Variants in MAPKAPK5 observed in about 807,000 individuals in gnomAD.
The protein encoded by MAPKAPK5 is MAPK activated protein kinase 5, also known as MAP kinase-activated protein kinase 5.
Under a neutral mutation model 65.1 loss-of-function variants are expected in MAPKAPK5, and 30 were observed. The observed-to-expected ratio is 0.46, with a 90% CI of 0.34 to 0.63. The LOEUF (loss-of-function observed/expected upper bound fraction) is 0.63. Ranked by LOEUF, MAPKAPK5 falls within the 20% of genes least tolerant of loss-of-function variation. MAPKAPK5 has a pLI of 0.01. For synonymous variants in MAPKAPK5, 179 were observed against 204.6 expected, an observed-to-expected ratio of 0.87 and a Z score of 1.07; for missense variants, 433 against 581.4, an observed-to-expected ratio of 0.74 and a Z score of 2.63.
chr12:111,894,208 A>C lies in MAPKAPK5; in HGVS notation c.*1147A>C, dbSNP rs2070721082. 6.6e-6 allele frequency: 1 copy of C among 151,232 alleles called. No homozygotes were observed. Among genetic ancestry groups the C allele is most frequent in the Non-Finnish European group, 1.5e-5 (1 of 67,986 alleles). The allele number at this position is 151,232 out of a possible 1,614,324, so 9.4% of individuals were successfully genotyped here. A position where few individuals can be genotyped will look rare whatever the true frequency, so the allele number is the denominator to read the frequency against. ...CAGGCACCCGCCACCATGCCCGGCT[A>C]ATTTTTGTATTTTTAGTAGAGACAG... On this transcript the variant is annotated 3_prime_UTR_variant, in exon 14 of 14. Transcript: ENST00000550735.
At chr12:111,867,396 A>G (rs2069649006) in intron 3 of MAPKAPK5, among the ~76,000 whole-genome samples, 176 bp from the exon 4 acceptor site, 1 of 152,230 alleles carries the variant, frequency 6.6e-6, no homozygotes, top group Non-Finnish European at 1.5e-5. Context: ...TCTGTTGGTG[A>G]GTTTTTATTC....
intron 7 of MAPKAPK5, among the ~76,000 whole-genome samples, chr12:111,878,580 C>T (rs997382707): frequency 1.9e-4 from 29 of 152,086 alleles, no homozygotes; most frequent in Non-Finnish European, 3.5e-4. Context: ...CCACTACGCC[C>T]GGATAATTTT....
chr12:111,890,614 TAA>T (rs1259602684), intron 13 of MAPKAPK5, among the ~76,000 whole-genome samples: 1 of 152,184 alleles, frequency 6.6e-6, no homozygotes, highest in Non-Finnish European at 1.5e-5. Flanking sequence ...TACTGCTGGT[TAA>T]GTTTTTTTCC....
chr12:111,882,718 A>G (rs1241607486), intron 8 of MAPKAPK5: 1 of 731,850 alleles, frequency 1.4e-6, no homozygotes, highest in Non-Finnish European at 1.7e-6. Context: ...ATGGTGTAAG[A>G]GCTTGCAAAT....
At chr12:111,857,269 C>A (rs1435218488) in intron 1 of MAPKAPK5, among the ~76,000 whole-genome samples, 1 of 150,050 alleles carries the variant, frequency 6.7e-6, no homozygotes, top group Admixed American at 6.6e-5. Flanking sequence ...GAGATGGAGC[C>A]TCGCTCCCGT....
Position 111,893,309 on chromosome 12 carries a change from C to A in MAPKAPK5, c.*248C>A. On this transcript the variant is annotated 3_prime_UTR_variant, in exon 14 of 14. Transcript: ENST00000550735. ...TTTGTAAGATGACAGATGATGCTGT[C>A]AAGCAATATTGTTTTATTTGTAATA... 5.0e-6 allele frequency: 1 copy of A among 199,280 alleles called. No homozygotes were observed. Among genetic ancestry groups the A allele is most frequent in the Non-Finnish European group, 1.0e-5 (1 of 98,332 alleles). 12.3% of individuals were successfully genotyped at this position (199,280 alleles called of 1,614,324 possible). A position where few individuals can be genotyped will look rare whatever the true frequency, so the allele number is the denominator to read the frequency against.
chr12:111,859,356 G>A (rs191465294), intron 1 of MAPKAPK5, among the ~76,000 whole-genome samples: 1 of 149,820 alleles, frequency 6.7e-6, no homozygotes, highest in African/African-American at 2.5e-5. Flanking sequence ...TCAGCTCATT[G>A]CAACCTCCGC....
chr12:111,892,816 T>A lies in MAPKAPK5; in HGVS notation c.1322-151T>A, dbSNP rs141934048. On this transcript the variant is annotated intron_variant, in intron 13 of 13. Coordinates refer to ENST00000550735, the MANE Select transcript of MAPKAPK5 (RefSeq NM_003668.4). ...CAATTGCTACCTGAAAAATGGGGGATCTGAACTGCTTTTGATCAGTGGTGG... is the reference window on the plus strand; with the variant it reads ...CAATTGCTACCTGAAAAATGGGGGAACTGAACTGCTTTTGATCAGTGGTGG... 8.7e-6 allele frequency: 4 copies of A among 459,478 alleles called. No homozygotes were observed. The Admixed American group carries it at 1.2e-4, about 13-fold the overall frequency. The allele number at this position is 459,478 out of a possible 1,614,324, so 28.5% of individuals were successfully genotyped here.
chr12:111,871,494 T>C (rs926218770), intron 7 of MAPKAPK5, among the ~76,000 whole-genome samples: 1 of 151,964 alleles, frequency 6.6e-6, no homozygotes, highest in Non-Finnish European at 1.5e-5. Flanking sequence ...ATATAAAAAA[T>C]TAGCCGAGTG....
intron 7 of MAPKAPK5, 127 bp from the exon 8 acceptor site, chr12:111,880,320 G>A: frequency 1.3e-6 from 1 of 745,632 alleles, no homozygotes; most frequent in South Asian, 1.5e-5. Context: ...GTGTTTATGT[G>A]GAGTTTTTTT....
At chr12:111,851,811 C>T (rs995413659) in intron 1 of MAPKAPK5, among the ~76,000 whole-genome samples, 6 of 152,136 alleles carry the variant, frequency 3.9e-5, no homozygotes, top group Non-Finnish European at 5.9e-5. Context: ...AAACTCTGTC[C>T]AGATGTGCGT....
intron 8 of MAPKAPK5, among the ~76,000 whole-genome samples, chr12:111,881,078 TTTG>T (rs2070190797): frequency 6.6e-6 from 1 of 151,940 alleles, no homozygotes; most frequent in African/African-American, 2.4e-5. Flanking sequence ...CCACATTTTT[TTTG>T]TTGTTTTTTT....
chr12:111,876,407 A>G (rs1462625258), intron 7 of MAPKAPK5, among the ~76,000 whole-genome samples: 1 of 151,936 alleles, frequency 6.6e-6, no homozygotes, highest in Non-Finnish European at 1.5e-5. Flanking sequence ...AAGACACTGC[A>G]GTTCACCTAT....
intron 1 of MAPKAPK5, among the ~76,000 whole-genome samples, 154 bp from the exon 2 acceptor site, chr12:111,865,096 G>A (rs930984693): frequency 1.3e-5 from 2 of 152,206 alleles, no homozygotes; most frequent in African/African-American, 2.4e-5. Context: ...TAGACAAAAT[G>A]TCATAAAGCC....
At position 111,842,416 on chromosome 12, in the gene MAPKAPK5, C is replaced by T; in HGVS notation, c.-318C>T. On this transcript the variant is annotated 5_prime_UTR_variant, in exon 1 of 14. Transcript: ENST00000550735. The stretch of plus-strand genomic sequence containing the variant: ...CTTGCACGGCGCCCCGGGTCGAGGC[C>T]CTCCCCGCCTCGCCCTACCCCAGGA... 1 of 234,806 alleles carries T rather than the reference C, an allele frequency of 4.3e-6. No homozygotes were observed. Among genetic ancestry groups the T allele is most frequent in the East Asian group, 8.2e-5 (1 of 12,214 alleles). 14.5% of individuals were successfully genotyped at this position (234,806 alleles called of 1,614,324 possible). A position where few individuals can be genotyped will look rare whatever the true frequency, so the allele number is the denominator to read the frequency against.
At chr12:111,871,755 A>G (rs1377375734) in intron 7 of MAPKAPK5, among the ~76,000 whole-genome samples, 1 of 152,156 alleles carries the variant, frequency 6.6e-6, no homozygotes, top group Non-Finnish European at 1.5e-5. Flanking sequence ...TGTGACAAAT[A>G]TATACCCCAT....
Position 111,867,593 on chromosome 12 carries a change from G to A in MAPKAPK5, c.208G>A (p.Ala70Thr). 1.2e-6 allele frequency: 2 copies of A among 1,613,904 alleles called. No homozygotes were observed. The highest frequency in any genetic ancestry group is 2.2e-5 in the South Asian group (2 of 91,078). The change falls in exon 4 of 14, where the codon GCC (alanine) becomes ACC (threonine). Residue 70 changes from alanine to threonine, a missense_variant. Transcript: ENST00000550735. ...RNEVRLHMMC[A>T]THPNIVQIIE... ...TAAGGTACGTCTGCACATGATGTGT[G>A]CCACACACCCAAACATAGTTCAGAT...
intron 7 of MAPKAPK5, among the ~76,000 whole-genome samples, chr12:111,874,265 G>A (rs774512915): frequency 2.6e-5 from 4 of 151,444 alleles, no homozygotes; most frequent in Admixed American, 6.6e-5. Context: ...CGTAGTAGCC[G>A]GTGCCTGTAA....
chr12:111,888,433 CT>C, intron 10 of MAPKAPK5, 54 bp from the exon 11 acceptor site: 1 of 1,599,094 alleles, frequency 6.3e-7, no homozygotes, highest in South Asian at 1.1e-5. Context: ...CTTAGACTGG[CT>C]TTTTAGGTGC....
Sources: gnomAD v4.1 joint callset for allele counts (sites outside exome capture counted in the v4.1 genomes callset) on GRCh38, gnomAD v4.1.1 for gene constraint, MANE v1.5 for transcripts, NCBI Gene and HGNC (gene_info 2026-07-23, HGNC 2026-07-21) for gene names.